Variants in OXSR1 observed in about 807,000 individuals in gnomAD.
The protein encoded by OXSR1 is oxidative stress responsive kinase 1, also known as serine/threonine-protein kinase OSR1.
Under a neutral mutation model 79.8 loss-of-function variants are expected in OXSR1, and 24 were observed. The observed-to-expected ratio is 0.30, with a 90% confidence interval of 0.22 to 0.42. OXSR1 has a LOEUF of 0.42. Among genes scored for constraint, OXSR1 ranks in the 10% least tolerant of loss-of-function variants. The pLI is 1.00. For missense variants in OXSR1, 430 were observed against 618.4 expected (o/e 0.70, Z 3.23); for synonymous variants, 226 against 209.2 (o/e 1.08, Z -0.69).
At chr3:38,207,605 T>C (rs1048028466) in intron 4 of OXSR1, among the ~76,000 whole-genome samples, 1 of 152,194 alleles carries the variant, frequency 6.6e-6, no homozygotes, top group Non-Finnish European at 1.5e-5. Flanking sequence ...AGGCCAGGGA[T>C]GCTGCTAAAT....
chr3:38,246,249 C>T (rs1274504898), intron 13 of OXSR1, 28 bp downstream of exon 13: 3 of 1,611,174 alleles, frequency 1.9e-6, no homozygotes, highest in East Asian at 2.2e-5. Context: ...GTTTCATGGT[C>T]ACTCCTTTGG....
intron 11 of OXSR1, among the ~76,000 whole-genome samples, chr3:38,237,385 G>T (rs1246654616): frequency 6.6e-6 from 1 of 152,288 alleles, no homozygotes. Flanking sequence ...GCACACGTGT[G>T]TGTGTTTCCT....
chr3:38,176,492 G>A (rs1175905129), intron 1 of OXSR1, among the ~76,000 whole-genome samples: 3 of 152,104 alleles, frequency 2.0e-5, no homozygotes, highest in South Asian at 4.1e-4. Flanking sequence ...AGTTTTTACC[G>A]CATTACCATA....
intron 1 of OXSR1, among the ~76,000 whole-genome samples, chr3:38,172,540 G>T (rs1021305643): frequency 4.6e-5 from 7 of 152,278 alleles, no homozygotes; most frequent in African/African-American, 1.7e-4. Context: ...TTCTATTCTT[G>T]ACTTTCCCTT....
chr3:38,218,620 T>C (rs1702530658), intron 5 of OXSR1, among the ~76,000 whole-genome samples: 1 of 152,214 alleles, frequency 6.6e-6, no homozygotes, highest in Admixed American at 6.5e-5. Context: ...TCTCCCAGTC[T>C]GTGGGTTGCC....
At chr3:38,198,992 GTCTT>G (rs1029259437) in intron 4 of OXSR1, 129 bp downstream of exon 4, 2 of 662,646 alleles carry the variant, frequency 3.0e-6, no homozygotes, top group African/African-American at 3.6e-5. Flanking sequence ...TGTGGTTAGA[GTCTT>G]AATTATACAG....
At chr3:38,178,619 TA>T (rs1486866942) in intron 1 of OXSR1, among the ~76,000 whole-genome samples, 1,275 of 86,310 alleles carry the variant, frequency 0.015, 6 homozygotes, top group East Asian at 0.033. Flanking sequence ...TATATATATA[TA>T]TTTTTTTTTT....
chr3:38,203,594 C>T (rs1034638051), intron 4 of OXSR1, among the ~76,000 whole-genome samples: 4 of 152,216 alleles, frequency 2.6e-5, no homozygotes, highest in South Asian at 2.1e-4. Context: ...CATAGTGGTA[C>T]CACCTTGGTG....
intron 2 of OXSR1, among the ~76,000 whole-genome samples, chr3:38,187,369 G>A (rs1176435835): frequency 3.3e-5 from 5 of 152,212 alleles, no homozygotes; most frequent in African/African-American, 1.2e-4. Flanking sequence ...TTCAGGCAGT[G>A]ATGGTGGTAA....
intron 1 of OXSR1, among the ~76,000 whole-genome samples, chr3:38,168,582 A>G (rs1368394531): frequency 6.6e-6 from 1 of 152,214 alleles, no homozygotes; most frequent in Non-Finnish European, 1.5e-5. Flanking sequence ...CTTTTAGTAA[A>G]TTTACATAAT....
chr3:38,221,779 G>A, intron 6 of OXSR1, 92 bp downstream of exon 6: 1 of 687,110 alleles, frequency 1.5e-6, no homozygotes, highest in Non-Finnish European at 2.5e-6. Context: ...TGGCATACCA[G>A]GTTAGCTTTG....
intron 13 of OXSR1, among the ~76,000 whole-genome samples, chr3:38,246,772 C>A (rs1703149944): frequency 6.6e-6 from 1 of 152,096 alleles, no homozygotes. Flanking sequence ...TGAATGAAGG[C>A]CCCGTAGTGG....
chr3:38,180,667 A>G (rs954029973), intron 1 of OXSR1, among the ~76,000 whole-genome samples: 3 of 151,444 alleles, frequency 2.0e-5, no homozygotes, highest in African/African-American at 7.3e-5. Flanking sequence ...AGTAGCTAGG[A>G]CTATAAGTGC....
intron 3 of OXSR1, among the ~76,000 whole-genome samples, chr3:38,197,258 C>T (rs544012812): frequency 6.6e-6 from 1 of 152,334 alleles, no homozygotes; most frequent in Non-Finnish European, 1.5e-5. Context: ...CTCTTTGGTT[C>T]ACTCTTCAGA....
intron 1 of OXSR1, among the ~76,000 whole-genome samples, chr3:38,177,514 G>C: frequency 6.6e-6 from 1 of 152,168 alleles, no homozygotes; most frequent in Non-Finnish European, 1.5e-5. Context: ...ATGTACACTA[G>C]GGGATGATGT....
intron 4 of OXSR1, among the ~76,000 whole-genome samples, chr3:38,208,959 AGTGTGTGTGT>A (rs144109114): frequency 7.5e-5 from 11 of 146,876 alleles, no homozygotes; most frequent in Admixed American, 6.7e-4. Context: ...CCAGTTAAGG[AGTGTGTGTGT>A]GTGTGTGTGT....
chr3:38,187,105 A>G (rs1029701205), intron 2 of OXSR1, among the ~76,000 whole-genome samples: 1 of 152,240 alleles, frequency 6.6e-6, no homozygotes, highest in Non-Finnish European at 1.5e-5. Flanking sequence ...GTCTAGACCA[A>G]CAACTTTATA....
intron 3 of OXSR1, among the ~76,000 whole-genome samples, chr3:38,195,015 A>G (rs541934461): frequency 2.0e-5 from 3 of 152,358 alleles, no homozygotes; most frequent in South Asian, 2.1e-4. Flanking sequence ...TAATCATTTA[A>G]TGATGCTTCA....
At chr3:38,201,149 T>G (rs1026609713) in intron 4 of OXSR1, among the ~76,000 whole-genome samples, 1 of 151,308 alleles carries the variant, frequency 6.6e-6, no homozygotes, top group Admixed American at 6.6e-5. Context: ...CAAGCATTCC[T>G]CCCACCTCAA....
Sources: gnomAD v4.1 joint callset for allele counts (sites outside exome capture counted in the v4.1 genomes callset) on GRCh38, gnomAD v4.1.1 for gene constraint, MANE v1.5 for transcripts, NCBI Gene and HGNC (gene_info 2026-07-23, HGNC 2026-07-21) for gene names.